GAN: variants seen among roughly 807,000 people sequenced by gnomAD.
GAN encodes epididymis secretory sperm binding protein.
Under a neutral mutation model 71.3 loss-of-function variants are expected in GAN, and 48 were observed. The ratio of observed to expected loss-of-function variants is 0.67; its 90% CI spans 0.53 to 0.86. The LOEUF is 0.86. GAN is among the 40% of genes least tolerant of loss of function. GAN has a pLI of 0.00. For missense variants in GAN, 928 were observed against 770.1 expected, an observed-to-expected ratio of 1.21 and a Z score of -2.43; for synonymous variants, 386 against 276.8, an observed-to-expected ratio of 1.39 and a Z score of -3.92.
rs551645625 is a variant in GAN, at chr16:81,318,353, TGA to T, written c.167+3074_167+3075del. 6.2e-3 allele frequency among the ~76,000 whole-genome samples: 940 copies of T among 152,284 alleles called. 6 individuals are homozygous for T. The highest frequency in any genetic ancestry group is 0.012 in the Non-Finnish European group (788 of 68,016). On this transcript the variant is annotated intron_variant, in intron 1 of 10. Transcript: ENST00000648994. The stretch of plus-strand genomic sequence containing the variant: ...TTGGTAACTGTCATAAGTGGTTGTG[TGA>T]TTGTGTGGTTTAGAAGCAGTGGTAT...
At chr16:81,361,610 T>A (rs931776047) in intron 5 of GAN, among the ~76,000 whole-genome samples, 1 of 152,264 alleles carries the variant, frequency 6.6e-6, no homozygotes, top group African/African-American at 2.4e-5. Context: ...AAAATGGTTT[T>A]CATGCTTGAT....
chr16:81,384,004 CTTGGGTTAAAT>C lies in GAN; in HGVS notation c.*6411_*6421del, dbSNP rs896402221. 6.6e-6 allele frequency: 1 copy of C among 151,970 alleles called. No individual in the cohort carries two copies. Among genetic ancestry groups the C allele is most frequent in the African/African-American group, 2.4e-5 (1 of 41,382 alleles). The allele number at this position is 151,970 out of a possible 1,614,324, so 9.4% of individuals were successfully genotyped here. On this transcript the variant is annotated 3_prime_UTR_variant, in exon 11 of 11. Transcript: ENST00000648994. ...TTATGAATAAGGCATACCTTAGAAACTTGGGTTAAATTTTTTCAAGTTATACCAGTCAACTT... is the reference window on the plus strand; with the variant it reads ...TTATGAATAAGGCATACCTTAGAAACTTTTTCAAGTTATACCAGTCAACTT...
chr16:81,352,491 G>T (rs546093970), intron 2 of GAN, among the ~76,000 whole-genome samples: 4 of 152,274 alleles, frequency 2.6e-5, no homozygotes, highest in African/African-American at 9.6e-5. Context: ...ACCTTTGGCT[G>T]TGTGAGAATG....
intron 1 of GAN, among the ~76,000 whole-genome samples, chr16:81,343,432 C>T (rs1168728322): frequency 1.3e-5 from 2 of 152,226 alleles, no homozygotes; most frequent in Non-Finnish European, 1.5e-5. Context: ...ATCAAGTTGG[C>T]TTCATCCCTG....
chr16:81,334,125 T>C (rs16955059), intron 1 of GAN, among the ~76,000 whole-genome samples: 3,221 of 152,356 alleles, frequency 0.021, 59 homozygotes, highest in East Asian at 0.082. Flanking sequence ...CAGATACAAA[T>C]GTAATTGGAC....
At position 81,339,109 on chromosome 16, in the gene GAN, C is replaced by G. The variant is rs1360104203; in HGVS notation, c.168-12474C>G. On this transcript the variant is annotated intron_variant, in intron 1 of 10. Transcript: ENST00000648994. ...AATTGGAAATACAAAAAACATAGCA[C>G]AGATAATTGAAGAAGCACCTATTAA... Among the ~76,000 whole-genome samples the G allele has an allele frequency of 4.6e-5, 7 of 152,160 alleles. No individual in the cohort carries two copies. In the East Asian group the frequency reaches 1.3e-3, roughly 29 times the overall value.
chr16:81,357,687 C>G (rs1034078851), intron 4 of GAN, 123 bp from the exon 5 acceptor site: 9 of 937,472 alleles, frequency 9.6e-6, no homozygotes, highest in East Asian at 2.6e-5. Context: ...GTCACACTGA[C>G]TTCCACAAGG....
chr16:81,319,909 C>T (rs1441670223), intron 1 of GAN, among the ~76,000 whole-genome samples: 2 of 152,146 alleles, frequency 1.3e-5, no homozygotes, highest in East Asian at 3.9e-4. Flanking sequence ...TGTTTTGCCT[C>T]ATGTGTATGT....
chr16:81,365,394 T>A lies in GAN; in HGVS notation c.1418T>A (p.Phe473Tyr). 3.1e-6 allele frequency: 5 copies of A among 1,613,700 alleles called. No homozygotes were observed. Among genetic ancestry groups the A allele is most frequent in the Non-Finnish European group, 4.2e-6 (5 of 1,179,936 alleles). ...ACGVAMELYV[F>Y]GGVRSREDAQ... The stretch of plus-strand genomic sequence containing the variant: ...GGAGTTGCTATGGAGCTGTATGTGT[T>A]TGGGGGAGTCCGAAGTCGTGAGGAC... The change falls in exon 9 of 11, where the codon TTT becomes TAT. Residue 473 changes from phenylalanine to tyrosine, a missense_variant. By Grantham distance (22) the Phe-to-Tyr change is conservative. Coordinates refer to ENST00000648994, the MANE Select transcript of GAN (RefSeq NM_022041.4).
At chr16:81,375,484 A>G (rs769825321) in intron 9 of GAN, among the ~76,000 whole-genome samples, 1 of 151,340 alleles carries the variant, frequency 6.6e-6, no homozygotes, top group Non-Finnish European at 1.5e-5. Flanking sequence ...ATGCCACCAC[A>G]TTTGGCTAAT....
intron 2 of GAN, among the ~76,000 whole-genome samples, chr16:81,352,348 C>A (rs1216994268): frequency 6.6e-6 from 1 of 152,144 alleles, no homozygotes; most frequent in Non-Finnish European, 1.5e-5. Flanking sequence ...TTTTCCTTTG[C>A]CCTCCTCCGA....
At position 81,390,016 on chromosome 16, in the gene GAN, T is replaced by G. The variant is rs1904517440; in HGVS notation, c.*12420T>G. ...TAGTATTTCTTTTAAATCCTGCAAC[T>G]TTATTATCTAGTAGAATTCCAAGTA... On this transcript the variant is annotated 3_prime_UTR_variant, in exon 11 of 11. Coordinates refer to ENST00000648994, the MANE Select transcript of GAN (RefSeq NM_022041.4). 1 of 152,234 alleles carries G rather than the reference T, an allele frequency of 6.6e-6. No homozygotes were observed. The highest frequency in any genetic ancestry group is 1.5e-5 in the Non-Finnish European group (1 of 68,038). The allele number at this position is 152,234 out of a possible 1,614,324, so 9.4% of individuals were successfully genotyped here.
At chr16:81,331,636 C>T (rs1476745307) in intron 1 of GAN, among the ~76,000 whole-genome samples, 1 of 152,184 alleles carries the variant, frequency 6.6e-6, no homozygotes, top group Non-Finnish European at 1.5e-5. Flanking sequence ...AACGGCTCTT[C>T]CCCACGTCCC....
At position 81,381,114 on chromosome 16, in the gene GAN, G is replaced by A. The variant is rs539807085; in HGVS notation, c.*3518G>A. 134 of 152,254 alleles carry A rather than the reference G, an allele frequency of 8.8e-4. 1 individual carries two copies. Among genetic ancestry groups the A allele is most frequent in the African/African-American group, 2.8e-3 (117 of 41,532 alleles). 9.4% of individuals were successfully genotyped at this position (152,254 alleles called of 1,614,324 possible). On this transcript the variant is annotated 3_prime_UTR_variant, in exon 11 of 11. Coordinates refer to ENST00000648994, the MANE Select transcript of GAN (RefSeq NM_022041.4). ...TCAATGCATAGGAAATACATTCTTTGTACAAACGTGGTAAAGAGAGGACTG... is the reference window on the plus strand; with the variant it reads ...TCAATGCATAGGAAATACATTCTTTATACAAACGTGGTAAAGAGAGGACTG...
At chr16:81,357,626 A>G (rs1910534515) in intron 4 of GAN, among the ~76,000 whole-genome samples, 184 bp from the exon 5 acceptor site, 1 of 152,192 alleles carries the variant, frequency 6.6e-6, no homozygotes, top group Non-Finnish European at 1.5e-5. Flanking sequence ...ATACCCAGTA[A>G]TGGGATGGCT....
chr16:81,337,468 G>C (rs917638989), intron 1 of GAN, among the ~76,000 whole-genome samples: 3 of 152,172 alleles, frequency 2.0e-5, no homozygotes, highest in Admixed American at 2.0e-4. Flanking sequence ...TCACTGTTAT[G>C]TCAAGCCCCA....
Position 81,315,147 on chromosome 16 carries a change from C to G in GAN, c.34C>G (p.His12Asp). 1 of 1,539,790 alleles carries G rather than the reference C, an allele frequency of 6.5e-7. No homozygotes were observed. Among genetic ancestry groups the G allele is most frequent in the Non-Finnish European group, 8.7e-7 (1 of 1,145,004 alleles). ...AEGSAVSDPQ[H>D]AARLLRALSS... ...GGGCAGTGCCGTGTCTGACCCTCAG[C>G]ACGCCGCGCGTCTGCTGCGAGCGCT... is the stretch of plus-strand genomic sequence containing the variant. Residue 12 changes from histidine to aspartate, a missense_variant, in exon 1 of 11, where the codon CAC (histidine) becomes GAC (aspartate). Physicochemically the swap from His to Asp is moderately conservative, Grantham distance 81. Coordinates refer to ENST00000648994, the MANE Select transcript of GAN (RefSeq NM_022041.4).
Position 81,354,582 on chromosome 16 carries a change from A to C in GAN, c.460A>C (p.Thr154Pro). ...CCTCCATCACGTTCATTACCTTGCC[A>C]CAGAATACCTGGAGACTCATTTCCG... ...YCLHHVHYLA[T>P]EYLETHFRDV... Residue 154 changes from threonine (T) to proline (P), a missense_variant, in exon 3 of 11, where the codon ACA becomes CCA. By Grantham distance (38) the Thr-to-Pro change is conservative. Coordinates refer to ENST00000648994, the MANE Select transcript of GAN (RefSeq NM_022041.4). 6.2e-7 allele frequency: 1 copy of C among 1,614,174 alleles called. No individual in the cohort carries two copies. The highest frequency in any genetic ancestry group is 8.5e-7 in the Non-Finnish European group (1 of 1,180,024).
At chr16:81,331,430 T>C (rs1472443640) in intron 1 of GAN, among the ~76,000 whole-genome samples, 1 of 152,234 alleles carries the variant, frequency 6.6e-6, no homozygotes, top group Non-Finnish European at 1.5e-5. Flanking sequence ...TTAATTAGTA[T>C]TTCTGTAACA....
Sources: allele counts gnomAD v4.1 joint callset (sites outside exome capture counted in the v4.1 genomes callset), GRCh38; gene constraint gnomAD v4.1.1; transcripts MANE v1.5; gene names NCBI Gene and HGNC (gene_info 2026-07-23, HGNC 2026-07-21).